PPFIA3: variants seen among roughly 807,000 people sequenced by gnomAD.
The protein encoded by PPFIA3 is liprin-alpha-3.
Under a neutral mutation model 145.8 loss-of-function variants are expected in PPFIA3, and 26 were observed. The observed-to-expected ratio is 0.18, with a 90% CI of 0.13 to 0.25. The LOEUF is 0.25. Ranked by LOEUF, PPFIA3 falls within the 10% of genes least tolerant of loss-of-function variation. The pLI is 1.00. For synonymous variants in PPFIA3, 645 were observed against 661.4 expected (o/e 0.98, Z 0.38); for missense variants, 1,008 against 1,587.8 (o/e 0.63, Z 6.21).
chr19:49,133,400 G>T lies in PPFIA3; in HGVS notation c.1161+29G>T. 6.4e-7 allele frequency: 1 copy of T among 1,568,418 alleles called. No individual in the cohort carries two copies. Among genetic ancestry groups the T allele is most frequent in the Non-Finnish European group, 8.6e-7 (1 of 1,158,562 alleles). On this transcript the variant is annotated intron_variant, in intron 9 of 29. Transcript: ENST00000334186. The surrounding 1 kb of genome is among the most constrained non-coding windows in gnomAD (Gnocchi z 7.2). ...CGGGGAGGACTCGGGTCGGGGCCTT[G>T]CGTGGGGAAGGGGTGGGGCCTAGAG...
intron 5 of PPFIA3, among the ~76,000 whole-genome samples, chr19:49,129,690 G>C (rs1600329253): frequency 6.6e-6 from 1 of 152,182 alleles, no homozygotes; most frequent in Non-Finnish European, 1.5e-5. Flanking sequence ...TAGAACCAGG[G>C]GCTGGGGCTC....
intron 7 of PPFIA3, among the ~76,000 whole-genome samples, chr19:49,132,687 G>A (rs1456594905): frequency 2.0e-5 from 3 of 152,160 alleles, no homozygotes; most frequent in African/African-American, 7.2e-5. Context: ...AGAAATTAGT[G>A]AGAAATCCAA....
chr19:49,129,845 G>A, intron 5 of PPFIA3, 148 bp from the exon 6 acceptor site: 1 of 784,410 alleles, frequency 1.3e-6, no homozygotes, highest in Non-Finnish European at 2.1e-6. Flanking sequence ...GGGAGCCTAA[G>A]GGTAAACCGT....
chr19:49,124,840 T>C (rs1600323108), intron 1 of PPFIA3, among the ~76,000 whole-genome samples: 1 of 151,776 alleles, frequency 6.6e-6, no homozygotes. Flanking sequence ...CCGAGGCGGG[T>C]GGATCACGAG....
Position 49,128,208 on chromosome 19 carries a change from A to C in PPFIA3, c.240+95A>C. The C allele has an allele frequency of 1.4e-6, 2 of 1,465,222 alleles. No homozygotes were observed. The highest frequency in any genetic ancestry group is 1.8e-6 in the Non-Finnish European group (2 of 1,097,644). The allele number at this position is 1,465,222 out of a possible 1,614,324, so 90.8% of individuals were successfully genotyped here. A position where few individuals can be genotyped will look rare whatever the true frequency, so the allele number is the denominator to read the frequency against. Reference sequence around the variant, plus strand: ...CCGGGCTTGGCGCCTGGAAGGGAGGAGTCTGGGCGAGGCTTGCCGTTAATG... The same window carrying C: ...CCGGGCTTGGCGCCTGGAAGGGAGGCGTCTGGGCGAGGCTTGCCGTTAATG... On this transcript the variant is annotated intron_variant, in intron 2 of 29. Transcript: ENST00000334186. This position sits in a 1 kb window ranked among gnomAD's most constrained non-coding sequence, Gnocchi z 4.1.
At chr19:49,132,925 T>G (rs1338380786) in intron 7 of PPFIA3, 76 bp from the exon 8 acceptor site, 2 of 1,543,440 alleles carry the variant, frequency 1.3e-6, no homozygotes, top group African/African-American at 2.7e-5. Context: ...GCACTTTGTT[T>G]CCCAGGGAAC....
Position 49,130,903 on chromosome 19 carries a change from C to T in PPFIA3, c.879+304C>T, listed in dbSNP as rs1039867192. On this transcript the variant is annotated intron_variant, in intron 7 of 29. Transcript: ENST00000334186. The surrounding 1 kb of genome is among the most constrained non-coding windows in gnomAD (Gnocchi z 4.5). ...GTGAGGCAGAGTCTGGCTGTGTCGC[C>T]CAGGCTGGAGTGCAGTGGCGTGATC... Among the ~76,000 whole-genome samples the T allele has an allele frequency of 1.7e-4, 26 of 152,052 alleles. No individual in the cohort carries two copies. The highest frequency in any genetic ancestry group is 6.3e-4 in the African/African-American group (26 of 41,404).
At position 49,140,070 on chromosome 19, in the gene PPFIA3, C is replaced by T. The variant is rs979564073; in HGVS notation, c.2350C>T (p.Arg784Trp). 8 of 1,613,952 alleles carry T rather than the reference C, an allele frequency of 5.0e-6. No homozygotes were observed. Among genetic ancestry groups the T allele is most frequent in the East Asian group, 2.2e-5 (1 of 44,900 alleles). ...GAAGGGACGAATGGGACCCCCAGGC[C>T]GGGACAGCTCTTCTCTGGGTGAGTA... Reference protein sequence around the residue: ...KEKGRMGPPGRDSSSLAGTPS... With the variant: ...KEKGRMGPPGWDSSSLAGTPS... Residue 784 changes from arginine to tryptophan, a missense_variant, in exon 18 of 30, where the codon CGG (arginine) becomes TGG (tryptophan). By Grantham distance (101) the Arg-to-Trp change is moderately radical. This residue lies in a region of PPFIA3 where 202 missense variants were observed against 241.8 expected (regional missense o/e 0.84). Coordinates refer to ENST00000334186, the MANE Select transcript of PPFIA3 (RefSeq NM_003660.4).
chr19:49,136,822 C>T lies in PPFIA3; in HGVS notation c.1764C>T (p.Ala588=), dbSNP rs377467847. The change falls in exon 15 of 30, where the codon GCC becomes GCT. Residue 588 remains alanine (A), a synonymous_variant. Coordinates refer to ENST00000334186, the MANE Select transcript of PPFIA3 (RefSeq NM_003660.4). ...AGGAGGCAGAGGGGATGTTTGGGGC[C>T]GAGCTGCTGTCCCCCAGTGGGCAGG... ...DEEEAEGMFG[A]ELLSPSGQAD... is the part of the protein sequence containing the mutation. 7 of 1,591,124 alleles carry T rather than the reference C, an allele frequency of 4.4e-6. No homozygotes were observed. The highest frequency in any genetic ancestry group is 1.1e-5 in the South Asian group (1 of 87,280).
At chr19:49,121,962 C>T (rs2040941593) in intron 1 of PPFIA3, among the ~76,000 whole-genome samples, 1 of 151,842 alleles carries the variant, frequency 6.6e-6, no homozygotes, top group South Asian at 2.1e-4. Context: ...CGCACATGTG[C>T]TCTTGCATTG....
intron 23 of PPFIA3, chr19:49,146,505 A>G: frequency 2.4e-6 from 1 of 422,678 alleles, no homozygotes; most frequent in Non-Finnish European, 4.3e-6. Context: ...GTGTCCCTAT[A>G]GTGGAGGGGG....
At position 49,119,681 on chromosome 19, in the gene PPFIA3, C is replaced by T. The variant is rs116781562; in HGVS notation, c.-57C>T. 8.7e-3 allele frequency: 1,307 copies of T among 151,030 alleles called. 19 individuals carry two copies. The highest frequency in any genetic ancestry group is 0.021 in the African/African-American group (842 of 40,952). 9.4% of individuals were successfully genotyped at this position (151,030 alleles called of 1,614,324 possible). ...CCCCCCCACTCCACCCCACGTCCCT[C>T]CTGCAGCCCAGCTCCGCCCGCAGCC... On this transcript the variant is annotated 5_prime_UTR_variant, in exon 1 of 30. Transcript: ENST00000334186.
intron 4 of PPFIA3, 109 bp from the exon 5 acceptor site, chr19:49,129,271 G>C: frequency 8.5e-7 from 1 of 1,178,468 alleles, no homozygotes; most frequent in Non-Finnish European, 1.2e-6. Flanking sequence ...GGAGACAGGA[G>C]CCCCAACGCT....
At chr19:49,137,907 A>G (rs550917161) in intron 15 of PPFIA3, among the ~76,000 whole-genome samples, 7 of 152,224 alleles carry the variant, frequency 4.6e-5, no homozygotes, top group Admixed American at 2.6e-4. Context: ...CCTTTTGTCC[A>G]TAGTAATCCC....
In PPFIA3 at chr19:49,133,650, G is replaced by A. The variant is rs139741243; in HGVS notation, c.1162-146G>A. ...CAGGTCCTGAAAAAGTGGACTAGGC[G>A]CAGGGGCGGGGCCTGACTCAAAGGT... On this transcript the variant is annotated intron_variant, in intron 9 of 29. Transcript: ENST00000334186. The surrounding 1 kb of genome is among the most constrained non-coding windows in gnomAD (Gnocchi z 7.2). 1.6e-4 allele frequency: 154 copies of A among 949,274 alleles called. No individual in the cohort carries two copies. Among genetic ancestry groups the A allele is most frequent in the Non-Finnish European group, 2.2e-4 (132 of 604,646 alleles). The allele number at this position is 949,274 out of a possible 1,614,324, so 58.8% of individuals were successfully genotyped here.
intron 18 of PPFIA3, among the ~76,000 whole-genome samples, chr19:49,141,028 G>T (rs1033973940): frequency 1.3e-5 from 2 of 152,134 alleles, no homozygotes; most frequent in African/African-American, 2.4e-5. Context: ...GCTGGAGCCC[G>T]CTGGCACTGG....
chr19:49,148,533 G>A (rs4802576), intron 24 of PPFIA3, 133 bp from the exon 25 acceptor site: 468,980 of 794,006 alleles, frequency 0.59, 143,261 homozygotes, highest in African/African-American at 0.85. Flanking sequence ...TCCTGAGGGG[G>A]TCAACAGTCA....
chr19:49,146,047 T>A (rs2122644101), intron 22 of PPFIA3, 42 bp downstream of exon 22: 2 of 1,609,990 alleles, frequency 1.2e-6, no homozygotes, highest in Non-Finnish European at 1.7e-6. Flanking sequence ...GGCACTAACC[T>A]TCTTTGGGGG....
chr19:49,131,291 C>G (rs1699737806), intron 7 of PPFIA3, among the ~76,000 whole-genome samples: 2 of 149,924 alleles, frequency 1.3e-5, no homozygotes, highest in African/African-American at 2.5e-5. Flanking sequence ...GCCTCAGCCT[C>G]CCTAGTAGCT....
Sources: allele counts gnomAD v4.1 joint callset (sites outside exome capture counted in the v4.1 genomes callset), GRCh38; gene constraint gnomAD v4.1.1; regional missense constraint gnomAD v4.1.1; non-coding constraint Gnocchi (gnomAD v3.1); transcripts MANE v1.5; gene names NCBI Gene and HGNC (gene_info 2026-07-23, HGNC 2026-07-21).